The following ENDOV variants were observed in gnomAD, a reference collection of about 807,000 sequenced individuals.
The protein encoded by ENDOV is hEndoV.
ENDOV carries 37 observed loss-of-function variants against 39.4 expected under a neutral mutation model. The observed-to-expected ratio is 0.94, with a 90% CI of 0.72 to 1.23. ENDOV has a LOEUF of 1.23. Among genes scored for constraint, ENDOV ranks in the 50% most tolerant of loss-of-function variants. ENDOV has a pLI of 0.00. For synonymous variants in ENDOV, 186 were observed against 163.4 expected, an observed-to-expected ratio of 1.14 and a Z score of -1.05; for missense variants, 441 against 375.7, an observed-to-expected ratio of 1.17 and a Z score of -1.44.
At chr17:80,428,102 C>T (rs980356697) in intron 7 of ENDOV, among the ~76,000 whole-genome samples, 5 of 152,234 alleles carry the variant, frequency 3.3e-5, no homozygotes, top group East Asian at 1.9e-4. Context: ...TGTGGCCCAC[C>T]GCCCTCTTTT....
At chr17:80,433,514 C>T (rs2083446594) in intron 9 of ENDOV, among the ~76,000 whole-genome samples, 1 of 152,240 alleles carries the variant, frequency 6.6e-6, no homozygotes, top group African/African-American at 2.4e-5. Flanking sequence ...CGAAGGGAGG[C>T]CTGGCTGCCC....
At chr17:80,432,298 G>A (rs1013449417) in intron 9 of ENDOV, among the ~76,000 whole-genome samples, 3 of 152,110 alleles carry the variant, frequency 2.0e-5, no homozygotes, top group African/African-American at 7.2e-5. Flanking sequence ...CACCTGGCTG[G>A]GCCCAGGAAT....
At chr17:80,433,315 C>T (rs2083437504) in intron 9 of ENDOV, among the ~76,000 whole-genome samples, 1 of 152,222 alleles carries the variant, frequency 6.6e-6, no homozygotes, top group Non-Finnish European at 1.5e-5. Context: ...AGCCTTGGCA[C>T]ATGGTGAGTC....
chr17:80,419,015 C>A (rs112739478), intron 2 of ENDOV, among the ~76,000 whole-genome samples: 6,627 of 151,370 alleles, frequency 0.044, 193 homozygotes, highest in Middle Eastern at 0.088. Context: ...ACTAAAAATA[C>A]AAAAAAAATC....
chr17:80,431,054 A>G (rs1392303241), intron 9 of ENDOV, among the ~76,000 whole-genome samples: 2 of 152,334 alleles, frequency 1.3e-5, no homozygotes, highest in East Asian at 3.9e-4. Context: ...AATCTGCCAC[A>G]GAGCATGAAG....
rs1256486348 is a variant in ENDOV, at chr17:80,415,740, G to A, written c.147G>A (p.Gly49=). 4 of 1,607,372 alleles carry A rather than the reference G, an allele frequency of 2.5e-6. No homozygotes were observed. In the Admixed American group the frequency reaches 5.1e-5, roughly 20 times the overall value. ...CCTTCTCGGGTCTGCAGAGGGTCGG[G>A]GGCGTTGACGTGTCCTTCGTGAAAG... ...DPAFSGLQRV[G]GVDVSFVKGD... The change falls in exon 2 of 10, where the codon GGG becomes GGA. Residue 49 remains glycine, a synonymous_variant. Coordinates refer to ENST00000518137, the MANE Select transcript of ENDOV (RefSeq NM_173627.5).
intron 4 of ENDOV, among the ~76,000 whole-genome samples, chr17:80,423,307 G>A (rs41298730): frequency 0.073 from 11,184 of 152,344 alleles, 496 homozygotes; most frequent in Non-Finnish European, 0.1. Flanking sequence ...CAGAGAGAAG[G>A]AGGCTTCCTC....
intron 9 of ENDOV, among the ~76,000 whole-genome samples, chr17:80,433,901 C>T (rs574502268): frequency 7.2e-5 from 11 of 152,322 alleles, no homozygotes; most frequent in Admixed American, 5.9e-4. Flanking sequence ...ACAATTTTTA[C>T]GTGAGTAGTT....
chr17:80,424,056 G>T, intron 5 of ENDOV: 1 of 377,122 alleles, frequency 2.7e-6, no homozygotes, highest in Non-Finnish European at 4.7e-6. Context: ...GCCAAGACCT[G>T]CCTGGAGCTG....
At chr17:80,434,437 C>T (rs1002093344) in intron 9 of ENDOV, among the ~76,000 whole-genome samples, 5 of 152,146 alleles carry the variant, frequency 3.3e-5, no homozygotes, top group Admixed American at 6.5e-5. Flanking sequence ...AACATGTTTT[C>T]AGTTGCCTTG....
intron 9 of ENDOV, among the ~76,000 whole-genome samples, chr17:80,430,698 C>G (rs1188705133): frequency 6.6e-6 from 1 of 152,228 alleles, no homozygotes; most frequent in Non-Finnish European, 1.5e-5. Context: ...CAGGGTGGCA[C>G]TGGTGCCTGA....
At chr17:80,427,297 C>A in intron 7 of ENDOV, 3 of 405,514 alleles carry the variant, frequency 7.4e-6, no homozygotes, top group Non-Finnish European at 1.0e-5. Context: ...AGGCCTTCAG[C>A]CACAGGAACT....
intron 5 of ENDOV, chr17:80,424,146 T>G: frequency 2.5e-6 from 1 of 399,074 alleles, no homozygotes; most frequent in Non-Finnish European, 4.4e-6. Context: ...AGTGAGACAC[T>G]CACAATGGAG....
At chr17:80,433,174 G>A (rs41301932) in intron 9 of ENDOV, 35,373 of 520,116 alleles carry the variant, frequency 0.068, 1,649 homozygotes, top group Admixed American at 0.16. Context: ...GCTGGGCAGA[G>A]CTGGCTGAGA....
At chr17:80,419,335 A>G in intron 2 of ENDOV, 1 of 469,800 alleles carries the variant, frequency 2.1e-6, no homozygotes. Context: ...CACCGTGAAG[A>G]ACACTGTCCT....
intron 9 of ENDOV, among the ~76,000 whole-genome samples, chr17:80,435,739 T>A (rs6565690): frequency 6.6e-6 from 1 of 151,422 alleles, no homozygotes; most frequent in East Asian, 1.9e-4. Context: ...CTCAGCCTCC[T>A]GAGTAGCTGG....
intron 7 of ENDOV, chr17:80,427,474 A>G (rs2082848144): frequency 1.0e-6 from 1 of 985,332 alleles, no homozygotes; most frequent in Non-Finnish European, 1.2e-6. Context: ...TGTGCCTAGC[A>G]CCAGCAAAGA....
chr17:80,426,948 C>T (rs374504100), intron 7 of ENDOV, among the ~76,000 whole-genome samples: 3 of 152,246 alleles, frequency 2.0e-5, no homozygotes, highest in African/African-American at 4.8e-5. Context: ...CTTACCCCAC[C>T]GCTTGCCCTG....
chr17:80,420,285 C>T (rs1026866984), intron 2 of ENDOV: 3 of 152,356 alleles, frequency 2.0e-5, no homozygotes, highest in Non-Finnish European at 2.9e-5. Context: ...TAAGCAGCCA[C>T]GCCCCTCCTG....
Sources: gnomAD v4.1 joint callset for allele counts (sites outside exome capture counted in the v4.1 genomes callset) on GRCh38, gnomAD v4.1.1 for gene constraint, MANE v1.5 for transcripts, NCBI Gene and HGNC (gene_info 2026-07-23, HGNC 2026-07-21) for gene names.